CELSR3: variants seen among roughly 807,000 people sequenced by gnomAD.
CELSR3 encodes the protein EGF-like protein 1.
A neutral mutation model predicts 270.0 loss-of-function variants in CELSR3; 73 were observed. The observed-to-expected ratio is 0.27, with a 90% CI of 0.22 to 0.33. The LOEUF (loss-of-function observed/expected upper bound fraction) is 0.33. CELSR3 is among the 10% of genes least tolerant of loss of function. The pLI, the probability that CELSR3 is intolerant of heterozygous loss-of-function variation, is 1.00. For synonymous variants in CELSR3, 1,780 were observed against 1,905.4 expected, an observed-to-expected ratio of 0.93 and a Z score of 1.71; for missense variants, 3,614 against 4,533.8, an observed-to-expected ratio of 0.80 and a Z score of 5.83.
chr3:48,648,241 C>CCCCCCCAACCCA, intron 19 of CELSR3, 25 bp downstream of exon 19: 1 of 1,318,116 alleles, frequency 7.6e-7, no homozygotes, highest in Non-Finnish European at 1.1e-6. Flanking sequence ...CTGCTGTGCC[C>CCCCCCCAACCCA]CGCCCTACCC....
In CELSR3 at chr3:48,657,131, C is replaced by T. The variant is rs2077030524; in HGVS notation, c.3966G>A (p.Gly1322=). ...IFNIQNDTDV[G]GTVLNVSFSA... ...AGAAACTCACATTGAGCACGGTGCC[C>T]CCTACGTCTGTGTCGTTCTGGATGT... The change falls in exon 2 of 35, where the codon GGG becomes GGA. Residue 1322 remains glycine, a synonymous_variant. Transcript: ENST00000164024. This position sits in a 1 kb window ranked among gnomAD's most constrained non-coding sequence, Gnocchi z 5.4. 6.2e-7 allele frequency: 1 copy of T among 1,614,002 alleles called. No homozygotes were observed. Among genetic ancestry groups the T allele is most frequent in the African/African-American group, 1.3e-5 (1 of 75,038 alleles).
At position 48,653,810 on chromosome 3, in the gene CELSR3, G is replaced by A. The variant is rs773646686; in HGVS notation, c.5279-22C>T. On this transcript the variant is annotated intron_variant, in intron 8 of 34. Coordinates refer to ENST00000164024, the MANE Select transcript of CELSR3 (RefSeq NM_001407.3). The surrounding 1 kb of genome is among the most constrained non-coding windows in gnomAD (Gnocchi z 6.5). ...ATAGCTGAGTGGATAAGAGAAACAG[G>A]GTTACAGCCCCTGCCCCAGGAACAG... is the stretch of plus-strand genomic sequence containing the variant. 24 of 1,612,828 alleles carry A rather than the reference G, an allele frequency of 1.5e-5. No homozygotes were observed. Among genetic ancestry groups the A allele is most frequent in the Non-Finnish European group, 1.4e-5 (17 of 1,179,046 alleles).
Position 48,640,214 on chromosome 3 carries a change from C to T in CELSR3, c.9371G>A (p.Arg3124Lys). The change falls in exon 34 of 35, where the codon AGG becomes AAG. Residue 3124 changes from arginine to lysine, a missense_variant. Physicochemically the swap from Arg to Lys is conservative, Grantham distance 26. Coordinates refer to ENST00000164024, the MANE Select transcript of CELSR3 (RefSeq NM_001407.3). This position sits in a 1 kb window ranked among gnomAD's most constrained non-coding sequence, Gnocchi z 7.5. The stretch of plus-strand genomic sequence containing the variant: ...GCCAGGGTAGTCCCGAGGTGGCTGC[C>T]TCCGTGGCAGGGTGCTGCCCCGATC... ...PKDRGSTLPRRQPPRDYPGAM... is the reference protein window; with the variant it reads ...PKDRGSTLPRKQPPRDYPGAM... 1 of 1,612,766 alleles carries T rather than the reference C, an allele frequency of 6.2e-7. No individual in the cohort carries two copies. The highest frequency in any genetic ancestry group is 8.5e-7 in the Non-Finnish European group (1 of 1,179,950).
chr3:48,655,870 G>A lies in CELSR3; in HGVS notation c.4626-19C>T, dbSNP rs1260086959. On this transcript the variant is annotated intron_variant, in intron 3 of 34. Transcript: ENST00000164024. This position sits in a 1 kb window ranked among gnomAD's most constrained non-coding sequence, Gnocchi z 5.8. ...CGCGAACCTGGGCGGGGTGGGAGGG[G>A]GTTGCGGGGGTGGGAGCGTCAGGAG... The A allele has an allele frequency of 3.0e-6, 4 of 1,328,928 alleles. No homozygotes were observed. The South Asian group carries it at 3.6e-5, about 12-fold the overall frequency. The allele number at this position is 1,328,928 out of a possible 1,614,324, so 82.3% of individuals were successfully genotyped here.
chr3:48,642,673 G>A lies in CELSR3; in HGVS notation c.8555+63C>T. ...CCCGCCCTAGGACCTGGTCAGCCAA[G>A]CCCTGGTAAGGTGGGGCTGGACTAA... is the stretch of plus-strand genomic sequence containing the variant. On this transcript the variant is annotated intron_variant, in intron 30 of 34. Coordinates refer to ENST00000164024, the MANE Select transcript of CELSR3 (RefSeq NM_001407.3). The surrounding 1 kb of genome is among the most constrained non-coding windows in gnomAD (Gnocchi z 6.1). 6.4e-7 allele frequency: 1 copy of A among 1,563,550 alleles called. No homozygotes were observed. Among genetic ancestry groups the A allele is most frequent in the Non-Finnish European group, 8.6e-7 (1 of 1,158,506 alleles).
Position 48,660,360 on chromosome 3 carries a change from T to C in CELSR3, c.2275A>G (p.Lys759Glu). 2 of 1,614,126 alleles carry C rather than the reference T, an allele frequency of 1.2e-6. No individual in the cohort carries two copies. The highest frequency in any genetic ancestry group is 1.7e-6 in the Non-Finnish European group (2 of 1,180,022). The part of the protein sequence containing the change: ...VNDNRPEFTM[K>E]EYHLRLNEDA... ...TCATTCAGTCGTAGGTGGTACTCCT[T>C]CATTGTGAACTCAGGCCGATTGTCA... Residue 759 changes from lysine (K) to glutamate (E), a missense_variant, in exon 1 of 35, where the codon AAG becomes GAG. Coordinates refer to ENST00000164024, the MANE Select transcript of CELSR3 (RefSeq NM_001407.3). The surrounding 1 kb of genome is among the most constrained non-coding windows in gnomAD (Gnocchi z 5.5).
rs1014282289 is a variant in CELSR3 at position 48,644,459 on chromosome 3, G to A, written c.8086-164C>T. On this transcript the variant is annotated intron_variant, in intron 26 of 34. Transcript: ENST00000164024. The surrounding 1 kb of genome is among the most constrained non-coding windows in gnomAD (Gnocchi z 4.8). ...AAAGGAGCTTAGCATCACAGAAAAA[G>A]AAATTGGGAACCAGAGAGGGACTGA... 5.9e-5 allele frequency among the ~76,000 whole-genome samples: 9 copies of A among 152,026 alleles called. No individual in the cohort carries two copies. Among genetic ancestry groups the A allele is most frequent in the Admixed American group, 5.9e-4 (9 of 15,256 alleles).
rs1451085438 is a variant in CELSR3 at position 48,655,780 on chromosome 3, G to A, written c.4697C>T (p.Ala1566Val). 3 of 1,587,920 alleles carry A rather than the reference G, an allele frequency of 1.9e-6. No individual in the cohort carries two copies. Among genetic ancestry groups the A allele is most frequent in the Non-Finnish European group, 2.6e-6 (3 of 1,164,570 alleles). The change falls in exon 4 of 35, where the codon GCC becomes GTC. Residue 1566 changes from alanine to valine, a missense_variant. Ala to Val is a moderately conservative substitution (Grantham distance 64, BLOSUM62 0). This residue lies in a region of CELSR3 where 1,331 missense variants were observed against 1,933.7 expected (regional missense o/e 0.69). Coordinates refer to ENST00000164024, the MANE Select transcript of CELSR3 (RefSeq NM_001407.3). This position sits in a 1 kb window ranked among gnomAD's most constrained non-coding sequence, Gnocchi z 5.8. The part of the protein sequence containing the change: ...GRLNEKHDFL[A>V]LELVAGQVRL... ...CACTTGGCCAGCCACGAGTTCCAGGGCCAGGAAGTCGTGCTTCTCGTTCAG... is the reference window on the plus strand; with the variant it reads ...CACTTGGCCAGCCACGAGTTCCAGGACCAGGAAGTCGTGCTTCTCGTTCAG...
Position 48,661,711 on chromosome 3 carries a change from G to A in CELSR3, c.924C>T (p.Thr308=). ...LPARPEARKV[T]SANRARFRRA... ...GACGAAAGCGTGCCCGGTTCGCCGAGGTTACTTTCCTGGCTTCAGGACGGG... is the reference window on the plus strand; with the variant it reads ...GACGAAAGCGTGCCCGGTTCGCCGAAGTTACTTTCCTGGCTTCAGGACGGG... Residue 308 remains threonine, a synonymous_variant, in exon 1 of 35, where the codon ACC becomes ACT. Transcript: ENST00000164024. The A allele has an allele frequency of 6.4e-7, 1 of 1,574,580 alleles. No individual in the cohort carries two copies.
rs1483423072 is a variant in CELSR3 at position 48,638,049 on chromosome 3, C to G, written c.*156G>C. On this transcript the variant is annotated 3_prime_UTR_variant, in exon 35 of 35. Transcript: ENST00000164024. The stretch of plus-strand genomic sequence containing the variant: ...TGTCACACGCATGCTCACAGATGCA[C>G]ATGGAGCCTCAGCCCTGCCACACCA... 3.1e-6 allele frequency: 2 copies of G among 642,638 alleles called. No homozygotes were observed. The highest frequency in any genetic ancestry group is 5.8e-6 in the Non-Finnish European group (2 of 347,192). The allele number at this position is 642,638 out of a possible 1,614,324, so 39.8% of individuals were successfully genotyped here. A position where few individuals can be genotyped will look rare whatever the true frequency, so the allele number is the denominator to read the frequency against.
rs1281686515 is a variant in CELSR3 at position 48,640,235 on chromosome 3, C to T, written c.9350G>A (p.Arg3117Gln). The T allele has an allele frequency of 1.1e-5, 18 of 1,612,632 alleles. No individual in the cohort carries two copies. The highest frequency in any genetic ancestry group is 2.2e-5 in the South Asian group (2 of 91,082). The change falls in exon 34 of 35, where the codon CGG becomes CAG. Residue 3117 changes from arginine (R) to glutamine (Q), a missense_variant. Coordinates refer to ENST00000164024, the MANE Select transcript of CELSR3 (RefSeq NM_001407.3). The surrounding 1 kb of genome is among the most constrained non-coding windows in gnomAD (Gnocchi z 7.5). ...CTGCCTCCGTGGCAGGGTGCTGCCC[C>T]GATCTTTGGGCTCCAGTCGGCCTGG... is the stretch of plus-strand genomic sequence containing the variant. ...AAPGRLEPKD[R>Q]GSTLPRRQPP...
chr3:48,640,575 A>G lies in CELSR3; in HGVS notation c.9026-16T>C. ...TTCAGGATGCCTGTGAGAGGAAGAAAATGGGGGGCAGGGTTTGTGTGGGAG... is the reference window on the plus strand; with the variant it reads ...TTCAGGATGCCTGTGAGAGGAAGAAGATGGGGGGCAGGGTTTGTGTGGGAG... On this transcript the variant is annotated splice_polypyrimidine_tract_variant and intron_variant, in intron 33 of 34. Transcript: ENST00000164024. This position sits in a 1 kb window ranked among gnomAD's most constrained non-coding sequence, Gnocchi z 7.5. The G allele has an allele frequency of 6.5e-7, 1 of 1,542,142 alleles. No individual in the cohort carries two copies. The highest frequency in any genetic ancestry group is 8.8e-7 in the Non-Finnish European group (1 of 1,139,890).
chr3:48,642,174 G>T lies in CELSR3; in HGVS notation c.8666-165C>A. The T allele has an allele frequency of 1.1e-6, 1 of 877,784 alleles. No individual in the cohort carries two copies. The highest frequency in any genetic ancestry group is 1.7e-6 in the Non-Finnish European group (1 of 588,610). 54.4% of individuals were successfully genotyped at this position (877,784 alleles called of 1,614,324 possible). The stretch of plus-strand genomic sequence containing the variant: ...GCAGAAGGGCTGGGACTTATCAGAG[G>T]GAAGGACGAATCAGGAGTGGACTGG... On this transcript the variant is annotated intron_variant, in intron 31 of 34. Coordinates refer to ENST00000164024, the MANE Select transcript of CELSR3 (RefSeq NM_001407.3). This position sits in a 1 kb window ranked among gnomAD's most constrained non-coding sequence, Gnocchi z 6.1.
Position 48,645,917 on chromosome 3 carries a change from G to T in CELSR3, c.7464-49C>A. The T allele has an allele frequency of 6.3e-7, 1 of 1,578,862 alleles. No homozygotes were observed. The highest frequency in any genetic ancestry group is 1.1e-5 in the South Asian group (1 of 89,388). Reference sequence around the variant, plus strand: ...ACAACTGTGACCCAGTGTCAGGCAGGGGTTTGTGAGAGATCATGGGAAGGG... The same window carrying T: ...ACAACTGTGACCCAGTGTCAGGCAGTGGTTTGTGAGAGATCATGGGAAGGG... On this transcript the variant is annotated intron_variant, in intron 22 of 34. Coordinates refer to ENST00000164024, the MANE Select transcript of CELSR3 (RefSeq NM_001407.3). This position sits in a 1 kb window ranked among gnomAD's most constrained non-coding sequence, Gnocchi z 5.4.
rs932804882 is a variant in CELSR3 at position 48,651,164 on chromosome 3, C to G, written c.6187-89G>C. ...AGGATAAAGGGTCAAGAGAACAGTGCTCATGGGCCAGAGGACACCTGGGTC... is the reference window on the plus strand; with the variant it reads ...AGGATAAAGGGTCAAGAGAACAGTGGTCATGGGCCAGAGGACACCTGGGTC... On this transcript the variant is annotated intron_variant, in intron 14 of 34. Coordinates refer to ENST00000164024, the MANE Select transcript of CELSR3 (RefSeq NM_001407.3). The surrounding 1 kb of genome is among the most constrained non-coding windows in gnomAD (Gnocchi z 7.4). 1 of 1,465,738 alleles carries G rather than the reference C, an allele frequency of 6.8e-7. No individual in the cohort carries two copies. The highest frequency in any genetic ancestry group is 9.3e-7 in the Non-Finnish European group (1 of 1,079,768). 90.8% of individuals were successfully genotyped at this position (1,465,738 alleles called of 1,614,324 possible). A position where few individuals can be genotyped will look rare whatever the true frequency, so the allele number is the denominator to read the frequency against.
At position 48,659,077 on chromosome 3, in the gene CELSR3, G is replaced by A. The variant is rs2077045335; in HGVS notation, c.3558C>T (p.Thr1186=). ...TGCGCCCAATAATGCCCGACGGGAA[G>A]GTGTCTGAACGGTTGGATACATAGT... The part of the protein sequence containing the change: ...FNNYVSNRSD[T]FPSGIIGRIP... The change falls in exon 1 of 35, where the codon ACC becomes ACT. Residue 1186 remains threonine (T), a synonymous_variant. Transcript: ENST00000164024. The surrounding 1 kb of genome is among the most constrained non-coding windows in gnomAD (Gnocchi z 8.1). 1.9e-6 allele frequency: 3 copies of A among 1,614,202 alleles called. No individual in the cohort carries two copies. The Middle Eastern group carries it at 4.9e-4, about 266-fold the overall frequency.
chr3:48,659,711 G>A lies in CELSR3; in HGVS notation c.2924C>T (p.Pro975Leu), dbSNP rs2077052404. ...HYTGLVSEDA[P>L]PFTSVLQISA... ...GATCTGCAGGACACTGGTGAAAGGT[G>A]GGGCATCCTCAGAGACCAGCCCTGT... Residue 975 changes from proline (P) to leucine (L), a missense_variant, in exon 1 of 35, where the codon CCA becomes CTA. Coordinates refer to ENST00000164024, the MANE Select transcript of CELSR3 (RefSeq NM_001407.3). This position sits in a 1 kb window ranked among gnomAD's most constrained non-coding sequence, Gnocchi z 8.1. 1 of 1,614,208 alleles carries A rather than the reference G, an allele frequency of 6.2e-7. No individual in the cohort carries two copies. Among genetic ancestry groups the A allele is most frequent in the South Asian group, 1.1e-5 (1 of 91,084 alleles).
At position 48,658,748 on chromosome 3, in the gene CELSR3, T is replaced by G. The variant is rs1178642341; in HGVS notation, c.3748+139A>C. The G allele has an allele frequency of 1.0e-6, 1 of 971,942 alleles. No individual in the cohort carries two copies. Among genetic ancestry groups the G allele is most frequent in the Admixed American group, 2.7e-5 (1 of 37,080 alleles). The allele number at this position is 971,942 out of a possible 1,614,324, so 60.2% of individuals were successfully genotyped here. On this transcript the variant is annotated intron_variant, in intron 1 of 34. Transcript: ENST00000164024. The surrounding 1 kb of genome is among the most constrained non-coding windows in gnomAD (Gnocchi z 4.7). ...GTCCTTGTGAGGTCTGTGGCAGATC[T>G]TGTAGGGTGCAGGAACCCTACCCTT...
rs1479107040 is a variant in CELSR3 at position 48,646,003 on chromosome 3, A to G, written c.7463+87T>C. 1.3e-6 allele frequency: 2 copies of G among 1,584,590 alleles called. No homozygotes were observed. Among genetic ancestry groups the G allele is most frequent in the East Asian group, 4.5e-5 (2 of 44,374 alleles). The stretch of plus-strand genomic sequence containing the variant: ...ATGGTCCGGGTTGCACAACAGCACT[A>G]GTGGGGGCCCCAGGGGAAGGCTGGG... On this transcript the variant is annotated intron_variant, in intron 22 of 34. Transcript: ENST00000164024. The surrounding 1 kb of genome is among the most constrained non-coding windows in gnomAD (Gnocchi z 4.8).
Sources: gnomAD v4.1 joint callset for allele counts (sites outside exome capture counted in the v4.1 genomes callset) on GRCh38, gnomAD v4.1.1 for gene constraint, gnomAD v4.1.1 regional missense constraint, Gnocchi (gnomAD v3.1) non-coding constraint, MANE v1.5 for transcripts, NCBI Gene and HGNC (gene_info 2026-07-23, HGNC 2026-07-21) for gene names.